The following RYR3 variants were observed in gnomAD, a reference collection of about 807,000 sequenced individuals.
RYR3 encodes ryanodine receptor 3, also known as brain ryanodine receptor-calcium release channel.
A neutral mutation model predicts 584.3 loss-of-function variants in RYR3; 207 were observed. The ratio of observed to expected loss-of-function variants is 0.35; its 90% CI spans 0.32 to 0.40. RYR3 has a LOEUF of 0.40. Ranked by LOEUF, RYR3 falls within the 10% of genes least tolerant of loss-of-function variation. RYR3 has a pLI of 1.00. For synonymous variants in RYR3, 2,416 were observed against 2,248.5 expected, an observed-to-expected ratio of 1.07 and a Z score of -2.11; for missense variants, 5,616 against 6,089.2, an observed-to-expected ratio of 0.92 and a Z score of 2.59.
rs1491248369 is a variant in RYR3 at position 33,579,885 on chromosome 15, TGG to T, written c.1269-86_1269-85del. 1.5e-5 allele frequency: 14 copies of T among 956,908 alleles called. No individual in the cohort carries two copies. The East Asian group carries it at 3.6e-4, about 25-fold the overall frequency. The allele number at this position is 956,908 out of a possible 1,614,324, so 59.3% of individuals were successfully genotyped here. On this transcript the variant is annotated intron_variant, in intron 12 of 103. Coordinates refer to ENST00000634891, the MANE Select transcript of RYR3 (RefSeq NM_001036.6). ...CAAGGAAGCAACTCATGGTGCACCG[TGG>T]GGGGCTGTTAGGAGTGGGACCCAGT... is the stretch of plus-strand genomic sequence containing the variant.
In RYR3 at chr15:33,662,582, C is replaced by T. The variant is rs1248137471; in HGVS notation, c.5052C>T (p.Pro1684=). The part of the protein sequence containing the change: ...VTGEDHQKQS[P]EIPLESLRTK... Reference sequence around the variant, plus strand: ...GTGAGGATCACCAAAAGCAGAGCCCCGAGATTCCCTTGGAGAGTCTCAGGA... The same window carrying T: ...GTGAGGATCACCAAAAGCAGAGCCCTGAGATTCCCTTGGAGAGTCTCAGGA... The change falls in exon 35 of 104, where the codon CCC becomes CCT. Residue 1684 remains proline, a synonymous_variant. Transcript: ENST00000634891. 7 of 1,613,972 alleles carry T rather than the reference C, an allele frequency of 4.3e-6. No individual in the cohort carries two copies. Among genetic ancestry groups the T allele is most frequent in the South Asian group, 3.3e-5 (3 of 91,080 alleles).
chr15:33,840,467 C>G (rs901198826), intron 89 of RYR3: 3 of 248,944 alleles, frequency 1.2e-5, no homozygotes, highest in African/African-American at 4.5e-5. Context: ...AGAAGCCTGT[C>G]AGATGGAGGC....
chr15:33,628,268 T>G (rs1444451669), intron 20 of RYR3, among the ~76,000 whole-genome samples: 1 of 151,944 alleles, frequency 6.6e-6, no homozygotes, highest in Non-Finnish European at 1.5e-5. Context: ...GAGGCAATGG[T>G]CAGAGAGACA....
In RYR3 at chr15:33,554,479, G is replaced by A. The variant is rs537103709; in HGVS notation, c.972+4163G>A. Among the ~76,000 whole-genome samples the A allele has an allele frequency of 2.6e-5, 4 of 152,080 alleles. No homozygotes were observed. In the East Asian group the frequency reaches 7.7e-4, roughly 29 times the overall value. ...CCGGGCTAATTTTTTTGTATTTTTA[G>A]TAGAGACGGGGTTTCACTATGTTAG... On this transcript the variant is annotated intron_variant, in intron 10 of 103. Coordinates refer to ENST00000634891, the MANE Select transcript of RYR3 (RefSeq NM_001036.6).
chr15:33,843,504 A>G lies in RYR3; in HGVS notation c.13226A>G (p.Asn4409Ser). The change falls in exon 92 of 104, where the codon AAT (asparagine) becomes AGT (serine). Residue 4409 changes from asparagine (N) to serine (S), a missense_variant. Physicochemically the swap from Asn to Ser is conservative, Grantham distance 46 (BLOSUM62 1). Around this residue, in one of 9 missense-constraint regions of RYR3, gnomAD observed 918 missense variants for 887.4 expected, o/e 1.03. Coordinates refer to ENST00000634891, the MANE Select transcript of RYR3 (RefSeq NM_001036.6). The stretch of plus-strand genomic sequence containing the variant: ...TCTTTGCAGCATTACCTGGCCAGGA[A>G]TTTCTACAACCTGAGGTTCCTTGCT... ...QTKLLHYLAR[N>S]FYNLRFLALF... The G allele has an allele frequency of 6.2e-7, 1 of 1,603,808 alleles. No homozygotes were observed. Among genetic ancestry groups the G allele is most frequent in the Non-Finnish European group, 8.5e-7 (1 of 1,174,678 alleles).
At position 33,738,462 on chromosome 15, in the gene RYR3, C is replaced by G; in HGVS notation, c.7528C>G (p.His2510Asp). Residue 2510 changes from histidine (H) to aspartate (D), a missense_variant, in exon 50 of 104, where the codon CAC becomes GAC. Coordinates refer to ENST00000634891, the MANE Select transcript of RYR3 (RefSeq NM_001036.6). ...CKMPLKLLTN[H>D]YEQCWKYYCL... The stretch of plus-strand genomic sequence containing the variant: ...CTGCACCTCCCAGCTTCTGACGAAT[C>G]ACTATGAACAGTGTTGGAAGTATTA... 1 of 1,613,528 alleles carries G rather than the reference C, an allele frequency of 6.2e-7. No individual in the cohort carries two copies. The highest frequency in any genetic ancestry group is 8.5e-7 in the Non-Finnish European group (1 of 1,179,640).
chr15:33,832,668 A>C (rs1053348368), intron 86 of RYR3, among the ~76,000 whole-genome samples: 32 of 151,686 alleles, frequency 2.1e-4, no homozygotes, highest in Admixed American at 1.8e-3. Flanking sequence ...AAAAAAAAAA[A>C]AAAACCCTAC....
chr15:33,820,672 C>T, intron 77 of RYR3, 84 bp from the exon 78 acceptor site: 1 of 1,228,596 alleles, frequency 8.1e-7, no homozygotes, highest in East Asian at 2.5e-5. Flanking sequence ...ACGTCCTGTC[C>T]CCTGCCCTTG....
rs2060593868 is a variant in RYR3 at position 33,619,111 on chromosome 15, C to T, written c.2358-4696C>T. Among the ~76,000 whole-genome samples, 3 of 152,140 alleles carry T rather than the reference C, an allele frequency of 2.0e-5. No individual in the cohort carries two copies. The South Asian group carries it at 6.2e-4, about 32-fold the overall frequency. ...TCTATGAGGTGAAAGAATCTAAGGACAGAGTCGCTTACTGTAAACACTTTA... is the reference window on the plus strand; with the variant it reads ...TCTATGAGGTGAAAGAATCTAAGGATAGAGTCGCTTACTGTAAACACTTTA... On this transcript the variant is annotated intron_variant, in intron 19 of 103. Transcript: ENST00000634891.
intron 1 of RYR3, among the ~76,000 whole-genome samples, chr15:33,447,153 G>A (rs942087031): frequency 6.6e-6 from 1 of 152,242 alleles, no homozygotes; most frequent in Non-Finnish European, 1.5e-5. Context: ...GGATGTACAT[G>A]TGTTAGTATT....
At chr15:33,391,605 G>A (rs1341853514) in intron 1 of RYR3, among the ~76,000 whole-genome samples, 2 of 145,796 alleles carry the variant, frequency 1.4e-5, no homozygotes, top group Admixed American at 6.9e-5. Context: ...CAGCCTGGGC[G>A]ACAGAGCGAG....
chr15:33,499,708 A>G (rs2051782725), intron 2 of RYR3, among the ~76,000 whole-genome samples: 1 of 152,224 alleles, frequency 6.6e-6, no homozygotes, highest in Non-Finnish European at 1.5e-5. Flanking sequence ...ACAGATAAGG[A>G]AACAAAGGCA....
At chr15:33,674,967 T>C (rs4779630) in intron 38 of RYR3, among the ~76,000 whole-genome samples, 67,224 of 150,498 alleles carry the variant, frequency 0.45, 16,464 homozygotes, top group Non-Finnish European at 0.58. Context: ...AAAAATCCAG[T>C]GGCTATAGTC....
intron 38 of RYR3, among the ~76,000 whole-genome samples, chr15:33,676,476 AG>A (rs2064185438): frequency 6.6e-6 from 1 of 152,246 alleles, no homozygotes; most frequent in South Asian, 2.1e-4. Flanking sequence ...TGTTAGAGGT[AG>A]GGTTGCCATA....
At chr15:33,421,364 A>G (rs916590846) in intron 1 of RYR3, among the ~76,000 whole-genome samples, 2 of 152,186 alleles carry the variant, frequency 1.3e-5, no homozygotes, top group Non-Finnish European at 2.9e-5. Flanking sequence ...ACAGAGATCA[A>G]TTTGGAGTTG....
At chr15:33,325,732 TC>T (rs1555427298) in intron 1 of RYR3, among the ~76,000 whole-genome samples, 2 of 7,896 alleles carry the variant, frequency 2.5e-4, no homozygotes, top group East Asian at 5.5e-3. Context: ...CCCTCTTCCT[TC>T]CTTCCTTCCT....
chr15:33,711,038 G>T (rs898030077), intron 43 of RYR3, among the ~76,000 whole-genome samples: 10 of 152,148 alleles, frequency 6.6e-5, no homozygotes, highest in Admixed American at 4.6e-4. Flanking sequence ...AATATCTCTA[G>T]TAAGTAGTTG....
chr15:33,458,001 G>A (rs2047704221), intron 1 of RYR3, among the ~76,000 whole-genome samples: 1 of 152,180 alleles, frequency 6.6e-6, no homozygotes, highest in Admixed American at 6.5e-5. Context: ...CAGGTACATT[G>A]AGAACATTCA....
At chr15:33,726,619 C>T (rs943035531) in intron 46 of RYR3, 113 bp downstream of exon 46, 6 of 1,158,352 alleles carry the variant, frequency 5.2e-6, no homozygotes, top group South Asian at 1.7e-5. Flanking sequence ...GGGCGGGCTG[C>T]ACAGGGCAAG....
Sources: allele counts gnomAD v4.1 joint callset (sites outside exome capture counted in the v4.1 genomes callset), GRCh38; gene constraint gnomAD v4.1.1; regional missense constraint gnomAD v4.1.1; transcripts MANE v1.5; gene names NCBI Gene and HGNC (gene_info 2026-07-23, HGNC 2026-07-21).